The following INPP4B variants were observed in gnomAD, a reference collection of about 807,000 sequenced individuals.
The protein encoded by INPP4B is inositol polyphosphate-4-phosphatase type II B, also known as inositol polyphosphate 4-phosphatase type II.
In INPP4B, 55 loss-of-function variants were observed where a neutral mutation model predicts 122.5. The ratio of observed to expected loss-of-function variants is 0.45; its 90% CI spans 0.36 to 0.56. INPP4B has a LOEUF of 0.56. Among genes scored for constraint, INPP4B ranks in the 20% least tolerant of loss-of-function variants. The pLI is 0.00. For synonymous variants in INPP4B, 403 were observed against 388.7 expected (o/e 1.04, Z -0.43); for missense variants, 1,000 against 1,097.7 (o/e 0.91, Z 1.26).
Position 142,254,749 on chromosome 4 carries a change from A to G in INPP4B, c.688+5743T>C, listed in dbSNP as rs532992207. On this transcript the variant is annotated intron_variant, in intron 11 of 25. Transcript: ENST00000262992. ...CTGATTGGTGTACCTGAAAGTGACGAGGAGAATGGAACCAAGGTGGAAAAC... is the reference window on the plus strand; with the variant it reads ...CTGATTGGTGTACCTGAAAGTGACGGGGAGAATGGAACCAAGGTGGAAAAC... 5.4e-4 allele frequency among the ~76,000 whole-genome samples: 82 copies of G among 152,210 alleles called. 1 individual carries two copies. Among genetic ancestry groups the G allele is most frequent in the Middle Eastern group, 6.8e-3 (2 of 294 alleles).
At chr4:142,577,777 C>G (rs1396498859) in intron 2 of INPP4B, among the ~76,000 whole-genome samples, 11 of 151,886 alleles carry the variant, frequency 7.2e-5, no homozygotes. Flanking sequence ...CTCTCTTATT[C>G]TGATTGGAAA....
At chr4:142,268,828 C>A (rs778570816) in intron 10 of INPP4B, among the ~76,000 whole-genome samples, 5 of 152,038 alleles carry the variant, frequency 3.3e-5, no homozygotes, top group Non-Finnish European at 5.9e-5. Context: ...CTCACTATGT[C>A]GGAAGGAAAG....
At chr4:142,566,358 T>A (rs1731621759) in intron 2 of INPP4B, among the ~76,000 whole-genome samples, 1 of 152,054 alleles carries the variant, frequency 6.6e-6, no homozygotes, top group South Asian at 2.1e-4. Context: ...TGAAGAATAA[T>A]GGCAATGATT....
chr4:142,367,935 A>G (rs1405659818), intron 7 of INPP4B, among the ~76,000 whole-genome samples: 1 of 152,142 alleles, frequency 6.6e-6, no homozygotes, highest in Non-Finnish European at 1.5e-5. Flanking sequence ...GAAATATTAC[A>G]TGCCAAACTT....
At position 142,112,591 on chromosome 4, in the gene INPP4B, G is replaced by T; in HGVS notation, c.2227C>A (p.Pro743Thr). The stretch of plus-strand genomic sequence containing the variant: ...TTGATTCCAACATTAAAAAGTACTG[G>T]ATACACATGAAGCAACTGTCCTTCT... ...IKEGQLLHVY[P>T]VLFNVGINEQ... The change falls in exon 22 of 26, where the codon CCA (proline) becomes ACA (threonine). Residue 743 changes from proline (P) to threonine (T), a missense_variant. Transcript: ENST00000262992. 6.2e-7 allele frequency: 1 copy of T among 1,613,262 alleles called. No homozygotes were observed. Among genetic ancestry groups the T allele is most frequent in the Non-Finnish European group, 8.5e-7 (1 of 1,179,496 alleles).
At chr4:142,634,390 T>A (rs1475882205) in intron 2 of INPP4B, among the ~76,000 whole-genome samples, 1 of 152,150 alleles carries the variant, frequency 6.6e-6, no homozygotes, top group Non-Finnish European at 1.5e-5. Flanking sequence ...GAAATAGAAA[T>A]GACAGTCTAA....
rs892621233 is a variant in INPP4B, at chr4:142,588,326, A to G, written c.-190-125600T>C. 5.3e-5 allele frequency among the ~76,000 whole-genome samples: 8 copies of G among 151,974 alleles called. No homozygotes were observed. The East Asian group carries it at 7.7e-4, about 15-fold the overall frequency. On this transcript the variant is annotated intron_variant, in intron 2 of 25. Transcript: ENST00000262992. ...AGTTAAGGTAGAAAATGGAAATAAA[A>G]TGTACACAAATGTAAAGAGAAGAAA...
Position 142,412,327 on chromosome 4 carries a change from C to G in INPP4B, c.137-7003G>C, listed in dbSNP as rs193043336. Among the ~76,000 whole-genome samples the G allele has an allele frequency of 3.2e-4, 48 of 152,150 alleles. 1 individual carries two copies. The East Asian group carries it at 7.3e-3, about 23-fold the overall frequency. On this transcript the variant is annotated intron_variant, in intron 5 of 25. Coordinates refer to ENST00000262992, the MANE Select transcript of INPP4B (RefSeq NM_001101669.3). ...TATAATATGCTTTTCTATTTTTAAT[C>G]TCCTTTGCCTTTTTTTGTTTTTTAT...
At chr4:142,315,171 A>G (rs866194010) in intron 7 of INPP4B, among the ~76,000 whole-genome samples, 7 of 152,338 alleles carry the variant, frequency 4.6e-5, no homozygotes, top group Middle Eastern at 3.4e-3. Flanking sequence ...GCTAATTACC[A>G]TGATCTGATC....
intron 2 of INPP4B, among the ~76,000 whole-genome samples, chr4:142,690,754 C>T (rs1760061539): frequency 6.6e-6 from 1 of 152,112 alleles, no homozygotes; most frequent in Non-Finnish European, 1.5e-5. Context: ...CCAATACCCA[C>T]TTTTCTATCC....
At chr4:142,727,627 T>A (rs1350721096) in intron 1 of INPP4B, among the ~76,000 whole-genome samples, 1 of 152,264 alleles carries the variant, frequency 6.6e-6, no homozygotes, top group East Asian at 1.9e-4. Context: ...ACCCCTGTAA[T>A]CCCAGCACTT....
intron 1 of INPP4B, among the ~76,000 whole-genome samples, chr4:142,788,466 T>A (rs1386220534): frequency 6.6e-6 from 1 of 152,140 alleles, no homozygotes; most frequent in Non-Finnish European, 1.5e-5. Context: ...AACGTTTTTA[T>A]TGAAATTTTT....
chr4:142,315,350 T>C (rs553335844), intron 7 of INPP4B, among the ~76,000 whole-genome samples: 3 of 152,312 alleles, frequency 2.0e-5, no homozygotes, highest in African/African-American at 7.2e-5. Context: ...TATCATCATC[T>C]GAATTTACTG....
intron 2 of INPP4B, among the ~76,000 whole-genome samples, chr4:142,472,859 A>G (rs1177527607): frequency 6.6e-6 from 1 of 152,194 alleles, no homozygotes; most frequent in Non-Finnish European, 1.5e-5. Context: ...AGACATTTGT[A>G]TTTTGAAAAG....
intron 21 of INPP4B, among the ~76,000 whole-genome samples, chr4:142,116,481 T>C (rs187042383): frequency 3.4e-4 from 51 of 152,224 alleles, no homozygotes; most frequent in African/African-American, 1.2e-3. Context: ...CACAGTGCAA[T>C]CAAACTAGAA....
At chr4:142,674,234 A>G (rs1028820952) in intron 2 of INPP4B, among the ~76,000 whole-genome samples, 7 of 152,024 alleles carry the variant, frequency 4.6e-5, no homozygotes, top group Non-Finnish European at 1.0e-4. Context: ...GATCATTTCC[A>G]AGAGTACTTT....
chr4:142,276,462 G>A (rs1235007445), intron 9 of INPP4B, among the ~76,000 whole-genome samples: 2 of 151,778 alleles, frequency 1.3e-5, no homozygotes, highest in African/African-American at 4.8e-5. Context: ...AAAGCACAGT[G>A]AATGTTGAGT....
chr4:142,312,937 G>C (rs1381657163), intron 8 of INPP4B, among the ~76,000 whole-genome samples: 2 of 152,056 alleles, frequency 1.3e-5, no homozygotes, highest in Non-Finnish European at 2.9e-5. Flanking sequence ...CCTCACCAGG[G>C]GCAAGCCCAG....
At chr4:142,367,307 C>T (rs1301403823) in intron 7 of INPP4B, among the ~76,000 whole-genome samples, 1 of 151,528 alleles carries the variant, frequency 6.6e-6, no homozygotes, top group East Asian at 1.9e-4. Flanking sequence ...AAAGATGATA[C>T]AGTAAACTTT....
Sources: allele counts gnomAD v4.1 joint callset (sites outside exome capture counted in the v4.1 genomes callset), GRCh38; gene constraint gnomAD v4.1.1; transcripts MANE v1.5; gene names NCBI Gene and HGNC (gene_info 2026-07-23, HGNC 2026-07-21).